Variants in PRDM16 observed in about 807,000 individuals in gnomAD.
The protein encoded by PRDM16 is histone-lysine N-methyltransferase PRDM16.
Under a neutral mutation model 110.6 loss-of-function variants are expected in PRDM16, and 23 were observed. The ratio of observed to expected loss-of-function variants is 0.21; its 90% confidence interval spans 0.15 to 0.29. The LOEUF (loss-of-function observed/expected upper bound fraction) is 0.29. Among genes scored for constraint, PRDM16 ranks in the 10% least tolerant of loss-of-function variants. PRDM16 has a pLI of 1.00. For synonymous variants in PRDM16, 799 were observed against 781.8 expected, an observed-to-expected ratio of 1.02 and a Z score of -0.37; for missense variants, 1,615 against 1,794.3, an observed-to-expected ratio of 0.90 and a Z score of 1.81.
At chr1:3,138,211 C>G (rs942141699) in intron 1 of PRDM16, among the ~76,000 whole-genome samples, 5 of 152,238 alleles carry the variant, frequency 3.3e-5, no homozygotes, top group Non-Finnish European at 5.9e-5. Flanking sequence ...GAGGCCGCAT[C>G]CCTCCCAGCG....
intron 3 of PRDM16, among the ~76,000 whole-genome samples, chr1:3,298,414 C>T (rs528129306): frequency 9.2e-5 from 14 of 152,188 alleles, no homozygotes; most frequent in East Asian, 1.9e-4. Context: ...CTCTGACGGC[C>T]GACACCAGCC....
At chr1:3,198,395 G>A (rs1557522713) in intron 2 of PRDM16, among the ~76,000 whole-genome samples, 2 of 152,246 alleles carry the variant, frequency 1.3e-5, no homozygotes, top group Non-Finnish European at 2.9e-5. Flanking sequence ...TGGGACATAT[G>A]TGAGTAGAAT....
At chr1:3,092,172 C>T (rs372733386) in intron 1 of PRDM16, among the ~76,000 whole-genome samples, 216 of 152,236 alleles carry the variant, frequency 1.4e-3, no homozygotes, top group African/African-American at 5.0e-3. Flanking sequence ...GAGAGCACCA[C>T]GACTGTGCCT....
At chr1:3,195,816 C>T (rs1233998333) in intron 2 of PRDM16, among the ~76,000 whole-genome samples, 3 of 152,222 alleles carry the variant, frequency 2.0e-5, no homozygotes, top group African/African-American at 7.2e-5. Context: ...TGCCCTTTTC[C>T]TTCCTCCCTT....
At chr1:3,345,629 C>T (rs749416012) in intron 3 of PRDM16, among the ~76,000 whole-genome samples, 5 of 152,256 alleles carry the variant, frequency 3.3e-5, no homozygotes, top group Admixed American at 6.5e-5. Flanking sequence ...ATGTTCTTCC[C>T]ACTGTTGGTT....
chr1:3,120,316 A>C (rs1439908680), intron 1 of PRDM16, among the ~76,000 whole-genome samples: 1 of 151,992 alleles, frequency 6.6e-6, no homozygotes, highest in Admixed American at 6.6e-5. Flanking sequence ...GGAAGATTCC[A>C]GGGACGTGTC....
chr1:3,270,065 TCC>T (rs1640402541), intron 3 of PRDM16, among the ~76,000 whole-genome samples: 1 of 142,422 alleles, frequency 7.0e-6, no homozygotes, highest in Non-Finnish European at 1.5e-5. Flanking sequence ...AGGATGACAG[TCC>T]CAGAGGACAG....
At chr1:3,313,264 A>G (rs1334090994) in intron 3 of PRDM16, among the ~76,000 whole-genome samples, 1 of 152,208 alleles carries the variant, frequency 6.6e-6, no homozygotes, top group East Asian at 1.9e-4. Context: ...CTGTCTATGA[A>G]ATGCCGCGGA....
rs1181421708 is a variant in PRDM16, at chr1:3,433,818, G to A, written c.*7G>A. ...CCCCATCAACCACCTCTGACGGGCT[G>A]GGCAGCCGGGGGCCGGTGGCCAGAG... is the stretch of plus-strand genomic sequence containing the variant. On this transcript the variant is annotated 3_prime_UTR_variant, in exon 17 of 17. Coordinates refer to ENST00000270722, the MANE Select transcript of PRDM16 (RefSeq NM_022114.4). 1.2e-6 allele frequency: 2 copies of A among 1,612,050 alleles called. No individual in the cohort carries two copies. The highest frequency in any genetic ancestry group is 1.7e-6 in the Non-Finnish European group (2 of 1,179,708).
At chr1:3,105,277 C>T (rs984710175) in intron 1 of PRDM16, among the ~76,000 whole-genome samples, 32 of 152,318 alleles carry the variant, frequency 2.1e-4, no homozygotes, top group African/African-American at 5.5e-4. Flanking sequence ...GGGCCCAGCC[C>T]GGCCTGGTCA....
intron 3 of PRDM16, among the ~76,000 whole-genome samples, chr1:3,349,299 G>A (rs1473988098): frequency 1.3e-5 from 2 of 152,206 alleles, no homozygotes; most frequent in African/African-American, 4.8e-5. Context: ...GGTGTGGACG[G>A]GGCCGCACCG....
chr1:3,404,817 G>A lies in PRDM16; in HGVS notation c.963G>A (p.Lys321=). Residue 321 remains lysine, a synonymous_variant, in exon 7 of 17, where the codon AAG becomes AAA. Transcript: ENST00000270722. ...AGTGTCCCAAGGCCTTCAACTGGAA[G>A]TCCAACCTCATCCGCCACCAGATGT... ...CDQCPKAFNW[K]SNLIRHQMSH... is the part of the protein sequence containing the mutation. 1.2e-6 allele frequency: 2 copies of A among 1,613,642 alleles called. No homozygotes were observed. The highest frequency in any genetic ancestry group is 1.1e-5 in the South Asian group (1 of 91,088).
chr1:3,088,524 G>T (rs1217018372), intron 1 of PRDM16, among the ~76,000 whole-genome samples: 1 of 150,980 alleles, frequency 6.6e-6, no homozygotes, highest in Non-Finnish European at 1.5e-5. Flanking sequence ...GGAGTGCGGT[G>T]GCGCGATCTC....
At chr1:3,129,940 C>T (rs1643299667) in intron 1 of PRDM16, among the ~76,000 whole-genome samples, 1 of 152,160 alleles carries the variant, frequency 6.6e-6, no homozygotes, top group South Asian at 2.1e-4. Flanking sequence ...GGGTCTCAGC[C>T]ATTTGTATCC....
At chr1:3,170,441 C>G (rs181881899) in intron 1 of PRDM16, among the ~76,000 whole-genome samples, 1 of 152,082 alleles carries the variant, frequency 6.6e-6, no homozygotes, top group South Asian at 2.1e-4. Flanking sequence ...GGAGCAGAGC[C>G]GAGTGGATTA....
Position 3,396,523 on chromosome 1 carries a change from A to G in PRDM16, c.606A>G (p.Pro202=), listed in dbSNP as rs1359538791. The G allele has an allele frequency of 1.9e-6, 3 of 1,605,888 alleles. No individual in the cohort carries two copies. Among genetic ancestry groups the G allele is most frequent in the Non-Finnish European group, 1.7e-6 (2 of 1,175,354 alleles). ...ATAAAGTCATTAAGGACATTGAGCC[A>G]GGTGAGGAGCTGCTGGTGCACGTGA... is the stretch of plus-strand genomic sequence containing the variant. ...IYYKVIKDIE[P]GEELLVHVKE... is the part of the protein sequence containing the mutation. The change falls in exon 5 of 17, where the codon CCA becomes CCG. Residue 202 remains proline, a synonymous_variant. Coordinates refer to ENST00000270722, the MANE Select transcript of PRDM16 (RefSeq NM_022114.4).
At position 3,426,130 on chromosome 1, in the gene PRDM16, A is replaced by C; in HGVS notation, c.3189A>C (p.Ala1063=). 6.2e-7 allele frequency: 1 copy of C among 1,613,976 alleles called. No individual in the cohort carries two copies. The highest frequency in any genetic ancestry group is 8.5e-7 in the Non-Finnish European group (1 of 1,179,986). The change falls in exon 14 of 17, where the codon GCA becomes GCC. Residue 1063 remains alanine (A), a synonymous_variant. Coordinates refer to ENST00000270722, the MANE Select transcript of PRDM16 (RefSeq NM_022114.4). ...CCACCTCAGAGTCGGACAACCACGC[A>C]CTTTTAGACGAGAAAGAAGACTCTT... ...SSPTSESDNH[A]LLDEKEDSYF...
At chr1:3,186,902 C>T (rs1644275519) in intron 2 of PRDM16, among the ~76,000 whole-genome samples, 1 of 152,210 alleles carries the variant, frequency 6.6e-6, no homozygotes. Flanking sequence ...GGCCACGCTG[C>T]CCCGGCTGCC....
At chr1:3,332,620 C>CA (rs1557615160) in intron 3 of PRDM16, among the ~76,000 whole-genome samples, 3 of 152,072 alleles carry the variant, frequency 2.0e-5, no homozygotes. Context: ...TAAGGCGTGT[C>CA]ATTCGGTGAC....
Sources: allele counts gnomAD v4.1 joint callset (sites outside exome capture counted in the v4.1 genomes callset), GRCh38; gene constraint gnomAD v4.1.1; transcripts MANE v1.5; gene names NCBI Gene and HGNC (gene_info 2026-07-23, HGNC 2026-07-21).